Variants in GPR89B observed in about 807,000 individuals in gnomAD.
GPR89B encodes the protein G protein-coupled receptor 89B.
GPR89B carries 25 observed loss-of-function variants against 52.4 expected under a neutral mutation model. The observed-to-expected ratio is 0.48, with a 90% CI of 0.35 to 0.67. GPR89B has a LOEUF of 0.67. Among genes scored for constraint, GPR89B ranks in the 30% least tolerant of loss-of-function variants. GPR89B has a pLI of 0.01. For synonymous variants in GPR89B, 52 were observed against 151.2 expected, an observed-to-expected ratio of 0.34 and a Z score of 4.81; for missense variants, 146 against 450.2, an observed-to-expected ratio of 0.32 and a Z score of 6.11.
In GPR89B at chr1:147,993,460, A is replaced by AG. The variant is rs1659210899; in HGVS notation, c.*545dup. 1 of 187,590 alleles carries AG rather than the reference A, an allele frequency of 5.3e-6. No homozygotes were observed. Among genetic ancestry groups the AG allele is most frequent in the Non-Finnish European group, 1.1e-5 (1 of 89,214 alleles). 11.6% of individuals were successfully genotyped at this position (187,590 alleles called of 1,614,324 possible). Reference sequence around the variant, plus strand: ...ATCCTGCCCCATTAAAATAACCAAGAGGTTATCTGTTCTTTTCCGGGAAAG... The same window carrying AG: ...ATCCTGCCCCATTAAAATAACCAAGAGGGTTATCTGTTCTTTTCCGGGAAAG... On this transcript the variant is annotated 3_prime_UTR_variant, in exon 14 of 14. Coordinates refer to ENST00000314163, the MANE Select transcript of GPR89B (RefSeq NM_016334.5).
At chr1:148,002,210 A>C in the GPR89B span, among the ~76,000 whole-genome samples, 16 of 152,176 alleles carry the variant, frequency 1.1e-4, no homozygotes, top group Middle Eastern at 3.4e-3. Context: ...TAGTGGAGCA[A>C]CATCATCCCA....
intron 7 of GPR89B, among the ~76,000 whole-genome samples, chr1:147,962,176 C>A (rs1466045028): frequency 6.6e-6 from 1 of 151,694 alleles, no homozygotes; most frequent in Non-Finnish European, 1.5e-5. Context: ...GTAATCCCAG[C>A]ACTTTGGGAG....
At chr1:147,979,115 C>T (rs1261175194) in intron 10 of GPR89B, among the ~76,000 whole-genome samples, 11 of 151,754 alleles carry the variant, frequency 7.2e-5, no homozygotes, top group Non-Finnish European at 1.0e-4. Flanking sequence ...TTGCCCTGTG[C>T]GGCTCCCAGG....
chr1:147,952,283 G>T (rs2149057625), intron 5 of GPR89B, among the ~76,000 whole-genome samples: 1 of 152,052 alleles, frequency 6.6e-6, no homozygotes, highest in African/African-American at 2.4e-5. Flanking sequence ...AAGGCAGAGT[G>T]TTAGACTGAT....
chr1:148,020,594 G>T, the GPR89B span, among the ~76,000 whole-genome samples: 1 of 151,190 alleles, frequency 6.6e-6, no homozygotes, highest in African/African-American at 2.5e-5. Context: ...ACTGTGCCGC[G>T]CTAATAAAGA....
At chr1:147,935,974 C>T (rs1553247804) in intron 1 of GPR89B, among the ~76,000 whole-genome samples, 1 of 152,076 alleles carries the variant, frequency 6.6e-6, no homozygotes, top group Admixed American at 6.6e-5. Context: ...TTTTTAAATA[C>T]TTGCAATCAG....
chr1:147,975,795 G>C (rs1377354327), intron 10 of GPR89B, among the ~76,000 whole-genome samples: 2 of 152,084 alleles, frequency 1.3e-5, no homozygotes, highest in African/African-American at 4.8e-5. Flanking sequence ...TGGGCATTTA[G>C]TGCTATCCAT....
At chr1:148,005,579 G>A in the GPR89B span, 1 of 1,108,042 alleles carries the variant, frequency 9.0e-7, no homozygotes. Flanking sequence ...AATCTGTGAT[G>A]TTGACTTCTG....
chr1:147,971,464 CTTTTTTT>C (rs1196935183), intron 10 of GPR89B, among the ~76,000 whole-genome samples: 3 of 70,240 alleles, frequency 4.3e-5, no homozygotes, highest in African/African-American at 6.2e-5. Context: ...GGAAGCATGT[CTTTTTTT>C]TTTTTTTTTT....
chr1:147,938,697 T>A lies in GPR89B; in HGVS notation c.103-17T>A. ...AAACAAGGAAATAACTTCTAGTCTC[T>A]GTTTGGCTTTTAACAGATACGTCAG... On this transcript the variant is annotated splice_polypyrimidine_tract_variant and intron_variant, in intron 2 of 13. Transcript: ENST00000314163. The A allele has an allele frequency of 6.4e-7, 1 of 1,557,202 alleles. No homozygotes were observed. Among genetic ancestry groups the A allele is most frequent in the Non-Finnish European group, 8.7e-7 (1 of 1,148,460 alleles).
chr1:147,981,296 C>T (rs1432651004), intron 10 of GPR89B, among the ~76,000 whole-genome samples: 43 of 150,066 alleles, frequency 2.9e-4, no homozygotes, highest in Non-Finnish European at 7.4e-5. Flanking sequence ...AGGGAAACCC[C>T]ATTCTTTACC....
At chr1:147,982,145 C>T (rs1205752307) in intron 10 of GPR89B, among the ~76,000 whole-genome samples, 3,253 of 151,618 alleles carry the variant, frequency 0.021, 153 homozygotes, top group African/African-American at 0.074. Context: ...CTGCAACTTC[C>T]GCCTCCCAGG....
chr1:147,962,297 G>A (rs1484833181), intron 7 of GPR89B, among the ~76,000 whole-genome samples: 3 of 151,306 alleles, frequency 2.0e-5, no homozygotes, highest in East Asian at 1.9e-4. Context: ...GGTGGCATGC[G>A]CCTGTAGTCC....
chr1:148,008,893 A>G, the GPR89B span, among the ~76,000 whole-genome samples: 1 of 152,206 alleles, frequency 6.6e-6, no homozygotes, highest in Admixed American at 6.5e-5. Flanking sequence ...AATTTGTTGA[A>G]TAAGTGAATG....
intron 5 of GPR89B, among the ~76,000 whole-genome samples, chr1:147,948,899 A>G (rs1245946185): frequency 1.3e-5 from 2 of 151,514 alleles, no homozygotes; most frequent in Admixed American, 1.3e-4. Context: ...TATGCAGAGG[A>G]CCCTGCGGCC....
At chr1:147,938,964 G>C (rs1442718251) in intron 3 of GPR89B, 147 bp downstream of exon 3, 18 of 616,354 alleles carry the variant, frequency 2.9e-5, no homozygotes, top group Non-Finnish European at 4.6e-5. Flanking sequence ...CAACAGATAT[G>C]GGTCACAGCC....
At chr1:148,025,288 G>A in the GPR89B span, among the ~76,000 whole-genome samples, 1 of 151,810 alleles carries the variant, frequency 6.6e-6, no homozygotes, top group East Asian at 1.9e-4. Context: ...TGTAGAATGA[G>A]CAATAATAGC....
At chr1:148,017,478 TA>T in the GPR89B span, among the ~76,000 whole-genome samples, 1 of 149,112 alleles carries the variant, frequency 6.7e-6, no homozygotes, top group African/African-American at 2.5e-5. Context: ...TTCATGCCTG[TA>T]ATCCCAGCAC....
rs1470985985 is a variant in GPR89B at position 147,979,310 on chromosome 1, C to T, written c.910-6889C>T. ...TTGGTCACCTTGGCCCCTCCACCGACCTTGCCAGTCTTTTAATTAAGTTGT... is the reference window on the plus strand; with the variant it reads ...TTGGTCACCTTGGCCCCTCCACCGATCTTGCCAGTCTTTTAATTAAGTTGT... On this transcript the variant is annotated intron_variant, in intron 10 of 13. Transcript: ENST00000314163. Among the ~76,000 whole-genome samples, 360 of 152,138 alleles carry T rather than the reference C, an allele frequency of 2.4e-3. 5 individuals carry two copies. Among genetic ancestry groups the T allele is most frequent in the African/African-American group, 7.8e-3 (323 of 41,406 alleles).
Sources: gnomAD v4.1 joint callset for allele counts (sites outside exome capture counted in the v4.1 genomes callset) on GRCh38, gnomAD v4.1.1 for gene constraint, MANE v1.5 for transcripts, NCBI Gene and HGNC (gene_info 2026-07-23, HGNC 2026-07-21) for gene names.